RPUSD2: variants seen among roughly 807,000 people sequenced by gnomAD.
RPUSD2 encodes the protein RNA pseudouridine synthase domain containing 2.
In RPUSD2, 31 loss-of-function variants were observed where a neutral mutation model predicts 41.5. That is an observed-to-expected ratio of 0.75 (90% CI 0.56 to 1.01). The LOEUF is 1.01. RPUSD2 is among the 50% of genes least tolerant of loss of function. The pLI is 0.00. For synonymous variants in RPUSD2, 305 were observed against 289.7 expected (o/e 1.05, Z -0.54); for missense variants, 749 against 724.7 (o/e 1.03, Z -0.38).
rs1891213354 is a variant in RPUSD2 at position 40,574,426 on chromosome 15, C to G, written c.*165C>G. 1.0e-5 allele frequency: 8 copies of G among 766,176 alleles called. No individual in the cohort carries two copies. Among genetic ancestry groups the G allele is most frequent in the African/African-American group, 1.7e-5 (1 of 57,568 alleles). The allele number at this position is 766,176 out of a possible 1,614,324, so 47.5% of individuals were successfully genotyped here. A position where few individuals can be genotyped will look rare whatever the true frequency, so the allele number is the denominator to read the frequency against. ...CCTCCTTCCAGTGGGAATTTGGAGA[C>G]TTTTTGGTTTGTAAATATATCCCTT... On this transcript the variant is annotated 3_prime_UTR_variant, in exon 3 of 3. Coordinates refer to ENST00000315616, the MANE Select transcript of RPUSD2 (RefSeq NM_152260.3).
Position 40,569,411 on chromosome 15 carries a change from C to G in RPUSD2, c.74C>G (p.Thr25Ser). The change falls in exon 1 of 3, where the codon ACC (threonine) becomes AGC (serine). Residue 25 changes from threonine to serine, a missense_variant. Physicochemically the swap from Thr to Ser is moderately conservative, Grantham distance 58 (BLOSUM62 1). Transcript: ENST00000315616. Reference protein sequence around the residue: ...WRYDLRRPSFTRTWSGDKGPM... With the variant: ...WRYDLRRPSFSRTWSGDKGPM... Reference sequence around the variant, plus strand: ...TACGACCTTAGGCGCCCTAGCTTTACCAGGACTTGGAGTGGCGATAAGGGC... The same window carrying G: ...TACGACCTTAGGCGCCCTAGCTTTAGCAGGACTTGGAGTGGCGATAAGGGC... 2 of 1,540,086 alleles carry G rather than the reference C, an allele frequency of 1.3e-6. No individual in the cohort carries two copies. Among genetic ancestry groups the G allele is most frequent in the Admixed American group, 2.2e-5 (1 of 44,636 alleles).
Position 40,571,592 on chromosome 15 carries a change from T to C in RPUSD2, c.607-12T>C. The C allele has an allele frequency of 6.2e-7, 1 of 1,612,848 alleles. No homozygotes were observed. Among genetic ancestry groups the C allele is most frequent in the Non-Finnish European group, 8.5e-7 (1 of 1,178,958 alleles). On this transcript the variant is annotated splice_polypyrimidine_tract_variant and intron_variant, in intron 1 of 2. Coordinates refer to ENST00000315616, the MANE Select transcript of RPUSD2 (RefSeq NM_152260.3). The stretch of plus-strand genomic sequence containing the variant: ...GGTCCCTAGGCTGACTTATTACCTA[T>C]GTCTTTGACAGGACAATGATTTCTT...
In RPUSD2 at chr15:40,569,865, C is replaced by G. The variant is rs1058734; in HGVS notation, c.528C>G (p.Ala176=). The G allele has an allele frequency of 6.2e-7, 1 of 1,606,662 alleles. No homozygotes were observed. The stretch of plus-strand genomic sequence containing the variant: ...CCGAGTTCCGAGCTCAGCCCCTGGC[C>G]TACTATGAGGCCGCGGTCCGGGCGG... The part of the protein sequence containing the change: ...FSTEFRAQPL[A]YYEAAVRAGR... Residue 176 remains alanine, a synonymous_variant, in exon 1 of 3, where the codon GCC becomes GCG. Transcript: ENST00000315616.
At position 40,569,958 on chromosome 15, in the gene RPUSD2, G is replaced by A; in HGVS notation, c.606+15G>A. On this transcript the variant is annotated intron_variant, in intron 1 of 2. Coordinates refer to ENST00000315616, the MANE Select transcript of RPUSD2 (RefSeq NM_152260.3). ...TCGTGCTCAAGGTGGAGTCCTGATG[G>A]GGCTGGCCAGAAGCGGGCGAGGAAA... 1 of 1,491,236 alleles carries A rather than the reference G, an allele frequency of 6.7e-7. No homozygotes were observed. The highest frequency in any genetic ancestry group is 8.9e-7 in the Non-Finnish European group (1 of 1,122,002). The allele number at this position is 1,491,236 out of a possible 1,614,324, so 92.4% of individuals were successfully genotyped here. A position where few individuals can be genotyped will look rare whatever the true frequency, so the allele number is the denominator to read the frequency against.
At chr15:40,573,253 G>A (rs971874282) in intron 2 of RPUSD2, among the ~76,000 whole-genome samples, 2 of 152,050 alleles carry the variant, frequency 1.3e-5, no homozygotes, top group African/African-American at 2.4e-5. Context: ...TCGAACTTTC[G>A]ACCTCAGGTG....
In RPUSD2 at chr15:40,573,778, C is replaced by A; in HGVS notation, c.1155C>A (p.Asn385Lys). Reference protein sequence around the residue: ...HLQFLGHPILNDPIYNSVAWG... With the variant: ...HLQFLGHPILKDPIYNSVAWG... ...AGTTCTTGGGCCATCCCATTCTCAA[C>A]GACCCCATCTACAACTCAGTTGCCT... The change falls in exon 3 of 3, where the codon AAC (asparagine) becomes AAA (lysine). Residue 385 changes from asparagine to lysine, a missense_variant. Asn to Lys is a moderately conservative substitution (Grantham distance 94). Transcript: ENST00000315616. 1 of 1,614,242 alleles carries A rather than the reference C, an allele frequency of 6.2e-7. No homozygotes were observed. The highest frequency in any genetic ancestry group is 8.5e-7 in the Non-Finnish European group (1 of 1,180,038).
rs376675267 is a variant in RPUSD2 at position 40,574,166 on chromosome 15, G to C, written c.1543G>C (p.Val515Leu). The change falls in exon 3 of 3, where the codon GTG (valine) becomes CTG (leucine). Residue 515 changes from valine to leucine, a missense_variant. Val to Leu is a conservative substitution (Grantham distance 32). Transcript: ENST00000315616. ...ACAGGATCCCTTGCCCCAAGACCTT[G>C]TGATGTTCCTACATGCCCTACGCTA... ...VRQDPLPQDL[V>L]MFLHALRYKG... The C allele has an allele frequency of 5.4e-5, 87 of 1,614,064 alleles. No individual in the cohort carries two copies. The highest frequency in any genetic ancestry group is 1.6e-4 in the Middle Eastern group (1 of 6,070).
At chr15:40,572,197 G>A (rs1194982322) in intron 2 of RPUSD2, among the ~76,000 whole-genome samples, 2 of 151,484 alleles carry the variant, frequency 1.3e-5, no homozygotes, top group South Asian at 2.1e-4. Flanking sequence ...GGAGGCTGAG[G>A]TGGGAGGATA....
At chr15:40,570,835 A>G (rs529306189) in intron 1 of RPUSD2, among the ~76,000 whole-genome samples, 1 of 152,284 alleles carries the variant, frequency 6.6e-6, no homozygotes, top group Non-Finnish European at 1.5e-5. Flanking sequence ...CCCAGAAAAG[A>G]TAAATGACTT....
rs1173712217 is a variant in RPUSD2 at position 40,569,707 on chromosome 15, G to C, written c.370G>C (p.Gly124Arg). 7 of 1,581,220 alleles carry C rather than the reference G, an allele frequency of 4.4e-6. 1 individual carries two copies. In the South Asian group the frequency reaches 8.0e-5, roughly 18 times the overall value. ...GAAGCGGCGGACCGGGGTGAGCTTC[G>C]GAGATGAGCACTTTGCAGAAACCAG... ...PKKRRTGVSF[G>R]DEHFAETSYY... The change falls in exon 1 of 3, where the codon GGA becomes CGA. Residue 124 changes from glycine to arginine, a missense_variant. Coordinates refer to ENST00000315616, the MANE Select transcript of RPUSD2 (RefSeq NM_152260.3).
chr15:40,574,144 G>A lies in RPUSD2; in HGVS notation c.1521G>A (p.Gln507=). The change falls in exon 3 of 3, where the codon CAG becomes CAA. Residue 507 remains glutamine (Q), a synonymous_variant. Coordinates refer to ENST00000315616, the MANE Select transcript of RPUSD2 (RefSeq NM_152260.3). Reference sequence around the variant, plus strand: ...GTGCAGAGTGCCGGCTGGTGCGACAGGATCCCTTGCCCCAAGACCTTGTGA... The same window carrying A: ...GTGCAGAGTGCCGGCTGGTGCGACAAGATCCCTTGCCCCAAGACCTTGTGA... ...PLCAECRLVR[Q]DPLPQDLVMF... is the part of the protein sequence containing the mutation. 17 of 1,614,216 alleles carry A rather than the reference G, an allele frequency of 1.1e-5. No homozygotes were observed. Among genetic ancestry groups the A allele is most frequent in the Non-Finnish European group, 1.4e-5 (16 of 1,180,040 alleles).
Position 40,569,322 on chromosome 15 carries a change from T to C in RPUSD2, c.-16T>C, listed in dbSNP as rs893545100. The C allele has an allele frequency of 4.2e-6, 6 of 1,438,270 alleles. No homozygotes were observed. The East Asian group carries it at 1.3e-4, about 30-fold the overall frequency. The allele number at this position is 1,438,270 out of a possible 1,614,324, so 89.1% of individuals were successfully genotyped here. A position where few individuals can be genotyped will look rare whatever the true frequency, so the allele number is the denominator to read the frequency against. ...TCAGATCGCGACCCTGGGAGTGGAG[T>C]GGGGGCAGCGTGGTTATGTGGCTGG... On this transcript the variant is annotated 5_prime_UTR_variant, in exon 1 of 3. Transcript: ENST00000315616.
At position 40,573,479 on chromosome 15, in the gene RPUSD2, A is replaced by G. The variant is rs751576874; in HGVS notation, c.904-48A>G. The G allele has an allele frequency of 4.5e-6, 7 of 1,564,332 alleles. No individual in the cohort carries two copies. The Admixed American group carries it at 8.9e-5, about 20-fold the overall frequency. On this transcript the variant is annotated intron_variant, in intron 2 of 2. Coordinates refer to ENST00000315616, the MANE Select transcript of RPUSD2 (RefSeq NM_152260.3). ...TCACTCCACAAAGAGTTTGGACTCC[A>G]TGAATTTAGGCTTTGTACTGACTTT...
Position 40,571,714 on chromosome 15 carries a change from C to T in RPUSD2, c.717C>T (p.Ser239=), listed in dbSNP as rs35916405. ...NEDVVVVDKP[S]SIPVHPCGRF... Reference sequence around the variant, plus strand: ...ATGTGGTGGTTGTAGACAAGCCTTCCTCCATTCCCGTTCACCCCTGTGGCC... The same window carrying T: ...ATGTGGTGGTTGTAGACAAGCCTTCTTCCATTCCCGTTCACCCCTGTGGCC... Residue 239 remains serine (S), a synonymous_variant, in exon 2 of 3, where the codon TCC becomes TCT. Transcript: ENST00000315616. 5.6e-6 allele frequency: 9 copies of T among 1,614,130 alleles called. No homozygotes were observed. The highest frequency in any genetic ancestry group is 5.9e-6 in the Non-Finnish European group (7 of 1,180,054).
intron 1 of RPUSD2, 74 bp downstream of exon 1, chr15:40,570,017 T>TGTTTTG (rs1891105926): frequency 4.7e-5 from 68 of 1,440,734 alleles, no homozygotes; most frequent in Non-Finnish European, 5.5e-5. Context: ...TGTTTTGTTT[T>TGTTTTG]TTAGTCTTAG....
rs1300159827 is a variant in RPUSD2 at position 40,571,789 on chromosome 15, C to G, written c.792C>G (p.Leu264=). 1.9e-6 allele frequency: 3 copies of G among 1,614,152 alleles called. No individual in the cohort carries two copies. The highest frequency in any genetic ancestry group is 2.5e-6 in the Non-Finnish European group (3 of 1,180,058). Residue 264 remains leucine (L), a synonymous_variant, in exon 2 of 3, where the codon CTC becomes CTG. Transcript: ENST00000315616. ...VIFILGKEHQ[L]KELHPLHRLD... is the part of the protein sequence containing the mutation. Reference sequence around the variant, plus strand: ...TCATCCTAGGCAAGGAGCACCAACTCAAGGAGCTACACCCCTTGCATCGGC... The same window carrying G: ...TCATCCTAGGCAAGGAGCACCAACTGAAGGAGCTACACCCCTTGCATCGGC...
chr15:40,573,913 CTG>C lies in RPUSD2; in HGVS notation c.1293_1294del (p.Cys431Ter), dbSNP rs1347970506. The C allele has an allele frequency of 6.2e-7, 1 of 1,614,056 alleles. No homozygotes were observed. The highest frequency in any genetic ancestry group is 1.3e-5 in the African/African-American group (1 of 74,930). On this transcript the variant is annotated frameshift_variant, in exon 3 of 3. Coordinates refer to ENST00000315616, the MANE Select transcript of RPUSD2 (RefSeq NM_152260.3). LOFTEE classifies it high-confidence loss of function. ...AKQSLDVLDLCEGDLSPGLTD... is the reference protein window; with the variant it reads ...AKQSLDVLDLXEGDLSPGLTD... ...AACAGAGCCTGGATGTGCTAGATCTCTGTGAGGGTGACCTGTCCCCAGGACTC... is the reference window on the plus strand; with the variant it reads ...AACAGAGCCTGGATGTGCTAGATCTCTGAGGGTGACCTGTCCCCAGGACTC...
rs1891102618 is a variant in RPUSD2, at chr15:40,569,916, G to T, written c.579G>T (p.Pro193=). The change falls in exon 1 of 3, where the codon CCG becomes CCT. Residue 193 remains proline, a synonymous_variant. Transcript: ENST00000315616. The part of the protein sequence containing the change: ...RAGRLQLNEK[P]VQDLNIVLKD... ...GCCGCCTGCAACTCAACGAGAAGCC[G>T]GTGCAGGACCTCAACATCGTGCTCA... 6.4e-7 allele frequency: 1 copy of T among 1,558,456 alleles called. No individual in the cohort carries two copies. Among genetic ancestry groups the T allele is most frequent in the Non-Finnish European group, 8.7e-7 (1 of 1,152,392 alleles).
rs1891195120 is a variant in RPUSD2 at position 40,573,786 on chromosome 15, T to C, written c.1163T>C (p.Ile388Thr). The change falls in exon 3 of 3, where the codon ATC becomes ACC. Residue 388 changes from isoleucine (I) to threonine (T), a missense_variant. Transcript: ENST00000315616. ...GGCCATCCCATTCTCAACGACCCCATCTACAACTCAGTTGCCTGGGGTCCT... is the reference window on the plus strand; with the variant it reads ...GGCCATCCCATTCTCAACGACCCCACCTACAACTCAGTTGCCTGGGGTCCT... Reference protein sequence around the residue: ...FLGHPILNDPIYNSVAWGPSR... With the variant: ...FLGHPILNDPTYNSVAWGPSR... 1 of 1,614,170 alleles carries C rather than the reference T, an allele frequency of 6.2e-7. No individual in the cohort carries two copies. Among genetic ancestry groups the C allele is most frequent in the Non-Finnish European group, 8.5e-7 (1 of 1,180,024 alleles).
Sources: allele counts gnomAD v4.1 joint callset (sites outside exome capture counted in the v4.1 genomes callset), GRCh38; gene constraint gnomAD v4.1.1; transcripts MANE v1.5; gene names NCBI Gene and HGNC (gene_info 2026-07-23, HGNC 2026-07-21).